Variants in ZNF529 observed in about 807,000 individuals in gnomAD.
ZNF529 encodes zinc finger protein 529.
A neutral mutation model predicts 10.1 loss-of-function variants in ZNF529; 11 were observed. The observed-to-expected ratio is 1.09, with a 90% CI of 0.69 to 1.81. ZNF529 has a LOEUF of 1.81. Among genes scored for constraint, ZNF529 ranks in the 40% most tolerant of loss-of-function variants. The pLI is 0.00. For missense variants in ZNF529, 624 were observed against 666.8 expected (o/e 0.94, Z 0.71); for synonymous variants, 204 against 215.7 (o/e 0.95, Z 0.47).
chr19:36,547,033 TG>T lies in ZNF529; in HGVS notation c.1524del (p.Cys508Ter). The T allele has an allele frequency of 1.2e-6, 2 of 1,614,056 alleles. No individual in the cohort carries two copies. The highest frequency in any genetic ancestry group is 8.5e-7 in the Non-Finnish European group (1 of 1,179,960). ...RIHTGEKPYE[C>X]KACGKAFRHS... ...TGTCTAAAGGCCTTCCCACATGCCT[TG>T]CATTCATAGGGTTTTTCTCCAGTAT... On this transcript the variant is annotated frameshift_variant, in exon 5 of 5. Coordinates refer to ENST00000591340, the MANE Select transcript of ZNF529 (RefSeq NM_020951.5). LOFTEE classifies it low-confidence loss of function (END_TRUNC).
intron 2 of ZNF529, among the ~76,000 whole-genome samples, chr19:36,560,882 G>T (rs2035665621): frequency 1.3e-5 from 2 of 152,150 alleles, no homozygotes; most frequent in South Asian, 4.1e-4. Flanking sequence ...ACAATACAAA[G>T]ATGGGATTTA....
chr19:36,560,538 T>C (rs753191753), intron 2 of ZNF529, among the ~76,000 whole-genome samples: 36 of 152,098 alleles, frequency 2.4e-4, no homozygotes, highest in Non-Finnish European at 3.7e-4. Flanking sequence ...AGAAATCAGA[T>C]TGATAAAATA....
At chr19:36,559,191 T>C (rs1443416060) in intron 2 of ZNF529, among the ~76,000 whole-genome samples, 10 of 152,144 alleles carry the variant, frequency 6.6e-5, no homozygotes, top group African/African-American at 1.7e-4. Context: ...GGGATGTAAA[T>C]TGGTACAGTC....
intron 2 of ZNF529, among the ~76,000 whole-genome samples, chr19:36,558,310 C>A (rs1568586418): frequency 1.3e-5 from 2 of 151,886 alleles, no homozygotes; most frequent in Non-Finnish European, 2.9e-5. Context: ...CATTAAACTG[C>A]ACATCCAGGA....
chr19:36,598,049 A>G (rs1348359906), intron 1 of ZNF529, among the ~76,000 whole-genome samples: 1 of 152,172 alleles, frequency 6.6e-6, no homozygotes, highest in Non-Finnish European at 1.5e-5. Flanking sequence ...ACGTTCCTAG[A>G]GGGTCTTGGA....
At chr19:36,596,324 A>G (rs898564384) in intron 1 of ZNF529, among the ~76,000 whole-genome samples, 2 of 151,498 alleles carry the variant, frequency 1.3e-5, no homozygotes, top group African/African-American at 4.8e-5. Context: ...CACCTGCCTC[A>G]GCCTCCTAAG....
At chr19:36,573,554 A>G (rs909889469), upstream of ZNF529, 1 of 456,420 alleles carries the variant, frequency 2.2e-6, no homozygotes, top group East Asian at 7.5e-5. Flanking sequence ...TCGGGAACCC[A>G]GGTTGGGAGG....
chr19:36,573,234 G>C lies in ZNF529; in HGVS notation c.-141C>G, dbSNP rs1327843095. ...GCAGCGCGGGGCCACCTCACCGCGA[G>C]CTCCTCCCGCAGCCCGGCCCGGGTC... is the stretch of plus-strand genomic sequence containing the variant. On this transcript the variant is annotated 5_prime_UTR_variant, in exon 1 of 5. Coordinates refer to ENST00000591340, the MANE Select transcript of ZNF529 (RefSeq NM_020951.5). 6.3e-6 allele frequency: 2 copies of C among 317,378 alleles called. No homozygotes were observed. Among genetic ancestry groups the C allele is most frequent in the Non-Finnish European group, 1.3e-5 (2 of 154,804 alleles). The allele number at this position is 317,378 out of a possible 1,614,324, so 19.7% of individuals were successfully genotyped here.
intron 1 of ZNF529, among the ~76,000 whole-genome samples, chr19:36,572,638 C>A (rs1270658831): frequency 1.3e-5 from 2 of 152,180 alleles, no homozygotes; most frequent in African/African-American, 4.8e-5. Flanking sequence ...CAAACTCATG[C>A]AAGGGGAGTT....
chr19:36,548,458 G>A, intron 4 of ZNF529, 136 bp from the exon 5 acceptor site: 1 of 825,358 alleles, frequency 1.2e-6, no homozygotes, highest in Non-Finnish European at 1.8e-6. Context: ...AGAGCTCACA[G>A]AGTAACAGCA....
intron 1 of ZNF529, among the ~76,000 whole-genome samples, chr19:36,599,994 G>A (rs757614763): frequency 4.6e-5 from 7 of 151,916 alleles, no homozygotes; most frequent in East Asian, 3.9e-4. Flanking sequence ...TCAGCCTCCC[G>A]AGTAGCTGGG....
intron 2 of ZNF529, among the ~76,000 whole-genome samples, chr19:36,584,881 C>T (rs192028651): frequency 6.4e-4 from 97 of 152,094 alleles, no homozygotes; most frequent in African/African-American, 2.0e-3. Context: ...GAGTAACTTC[C>T]GATAGTAAAG....
At chr19:36,578,304 T>TTTTTTTC (rs2036382354) in intron 2 of ZNF529, among the ~76,000 whole-genome samples, 1 of 101,112 alleles carries the variant, frequency 9.9e-6, no homozygotes, top group Non-Finnish European at 2.0e-5. Context: ...TTTTTTTTTT[T>TTTTTTTC]TTTTTTTTTT....
chr19:36,569,602 T>C (rs1166357970), intron 2 of ZNF529, among the ~76,000 whole-genome samples: 3 of 141,306 alleles, frequency 2.1e-5, no homozygotes, highest in South Asian at 2.2e-4. Flanking sequence ...CTGTCTCTAC[T>C]AAAAAAAAAA....
At chr19:36,560,594 T>A (rs544647160) in intron 2 of ZNF529, among the ~76,000 whole-genome samples, 205 of 152,104 alleles carry the variant, frequency 1.3e-3, no homozygotes, top group African/African-American at 4.7e-3. Flanking sequence ...CATTTTTTTT[T>A]AAAAACATAG....
chr19:36,555,242 T>C (rs1474460203), intron 3 of ZNF529, among the ~76,000 whole-genome samples: 1 of 152,210 alleles, frequency 6.6e-6, no homozygotes, highest in Non-Finnish European at 1.5e-5. Flanking sequence ...CTATGTGACA[T>C]ATTATTTCAC....
chr19:36,581,211 AG>A (rs1272392048), intron 2 of ZNF529: 1 of 152,258 alleles, frequency 6.6e-6, no homozygotes, highest in Admixed American at 6.5e-5. Flanking sequence ...GCCACATTAC[AG>A]GGAATGTGCA....
intron 1 of ZNF529, among the ~76,000 whole-genome samples, chr19:36,591,636 A>C (rs906269164): frequency 1.3e-5 from 2 of 152,050 alleles, no homozygotes; most frequent in African/African-American, 4.8e-5. Context: ...GAGGCTGGAT[A>C]ATGGTGTGAA....
At chr19:36,572,477 C>A in intron 1 of ZNF529, 85 bp from the exon 2 acceptor site, 1 of 1,065,944 alleles carries the variant, frequency 9.4e-7, no homozygotes. Flanking sequence ...AAAAGCCCAT[C>A]ACACACAACA....
Sources: allele counts gnomAD v4.1 joint callset (sites outside exome capture counted in the v4.1 genomes callset), GRCh38; gene constraint gnomAD v4.1.1; transcripts MANE v1.5; gene names NCBI Gene and HGNC (gene_info 2026-07-23, HGNC 2026-07-21).